Variants in MAP3K2 observed in about 807,000 individuals in gnomAD.
The protein encoded by MAP3K2 is mitogen-activated protein kinase kinase kinase 2.
MAP3K2 carries 24 observed loss-of-function variants against 80.3 expected under a neutral mutation model. That is an observed-to-expected ratio of 0.30 (90% CI 0.22 to 0.42). The LOEUF (loss-of-function observed/expected upper bound fraction) is 0.42, where lower values mean the gene tolerates loss of function less well. MAP3K2 is among the 10% of genes least tolerant of loss of function. The probability of loss-of-function intolerance (pLI) is 1.00; values close to 1 mark genes in which losing one functional copy is unlikely to be tolerated. For synonymous variants in MAP3K2, 244 were observed against 253.7 expected (o/e 0.96, Z 0.36); for missense variants, 608 against 750.1 (o/e 0.81, Z 2.21).
intron 1 of MAP3K2, among the ~76,000 whole-genome samples, chr2:127,347,967 C>T (rs756894885): frequency 5.3e-5 from 8 of 152,060 alleles, no homozygotes; most frequent in Admixed American, 3.3e-4. Context: ...ATTGTATATA[C>T]CCAAGAGAAC....
chr2:127,354,808 T>C (rs1178685154), intron 1 of MAP3K2, among the ~76,000 whole-genome samples: 1 of 151,946 alleles, frequency 6.6e-6, no homozygotes, highest in Admixed American at 6.6e-5. Context: ...ATGATAGAAT[T>C]AGTACAGTTG....
In MAP3K2 at chr2:127,300,251, G is replaced by T. The variant is rs927635395; in HGVS notation, c.*7328C>A. ...TACACTCATCAACAATTATTGGTCA[G>T]AGTAGTAAATCAGTGTACAAATTAA... is the stretch of plus-strand genomic sequence containing the variant. On this transcript the variant is annotated 3_prime_UTR_variant, in exon 17 of 17. Coordinates refer to ENST00000682094, the MANE Select transcript of MAP3K2 (RefSeq NM_001371910.2). The T allele has an allele frequency of 9.9e-5, 15 of 152,126 alleles. No individual in the cohort carries two copies. Among genetic ancestry groups the T allele is most frequent in the African/African-American group, 2.2e-4 (9 of 41,452 alleles). 9.4% of individuals were successfully genotyped at this position (152,126 alleles called of 1,614,324 possible). A position where few individuals can be genotyped will look rare whatever the true frequency, so the allele number is the denominator to read the frequency against.
chr2:127,383,393 GA>G (rs1340352626), intron 1 of MAP3K2, among the ~76,000 whole-genome samples: 4 of 152,124 alleles, frequency 2.6e-5, no homozygotes. Context: ...TCCTTATAGA[GA>G]TCTGTTACCT....
intron 2 of MAP3K2, among the ~76,000 whole-genome samples, chr2:127,342,625 C>A (rs1686518262): frequency 6.6e-6 from 1 of 151,992 alleles, no homozygotes; most frequent in African/African-American, 2.4e-5. Flanking sequence ...TAATTCCCTG[C>A]CTCATGCTGG....
In MAP3K2 at chr2:127,314,747, T is replaced by C; in HGVS notation, c.1456+7A>G. 1 of 1,596,478 alleles carries C rather than the reference T, an allele frequency of 6.3e-7. No homozygotes were observed. On this transcript the variant is annotated splice_region_variant and intron_variant, in intron 15 of 16. Coordinates refer to ENST00000682094, the MANE Select transcript of MAP3K2 (RefSeq NM_001371910.2). ...GTACTTAAAATAGAAAATACCTCAT[T>C]ACTTACCTTTGATATCTCTATGGAC...
chr2:127,365,468 T>C (rs955510831), intron 1 of MAP3K2, among the ~76,000 whole-genome samples: 5 of 152,154 alleles, frequency 3.3e-5, no homozygotes, highest in African/African-American at 1.2e-4. Context: ...ATAGGGTAGG[T>C]GGCCCAAAGA....
intron 1 of MAP3K2, among the ~76,000 whole-genome samples, chr2:127,348,894 T>C (rs1377625757): frequency 1.3e-5 from 2 of 152,132 alleles, no homozygotes; most frequent in African/African-American, 4.8e-5. Context: ...GGCTCAGTAT[T>C]ATCAGATATG....
chr2:127,339,103 T>G lies in MAP3K2; in HGVS notation c.5-53A>C. The G allele has an allele frequency of 3.7e-6, 4 of 1,081,706 alleles. No homozygotes were observed. Among genetic ancestry groups the G allele is most frequent in the Non-Finnish European group, 5.5e-6 (4 of 722,982 alleles). 67.0% of individuals were successfully genotyped at this position (1,081,706 alleles called of 1,614,324 possible). A position where few individuals can be genotyped will look rare whatever the true frequency, so the allele number is the denominator to read the frequency against. On this transcript the variant is annotated intron_variant, in intron 2 of 16. Coordinates refer to ENST00000682094, the MANE Select transcript of MAP3K2 (RefSeq NM_001371910.2). This position sits in a 1 kb window ranked among gnomAD's most constrained non-coding sequence, Gnocchi z 4.2. The stretch of plus-strand genomic sequence containing the variant: ...TAGAATTGTAATTGTGACATATATA[T>G]CAACATGTATAGACATCAAACACAA...
chr2:127,331,849 G>A (rs533109958), intron 5 of MAP3K2, among the ~76,000 whole-genome samples: 4 of 152,290 alleles, frequency 2.6e-5, no homozygotes, highest in Admixed American at 2.6e-4. Flanking sequence ...CAAATTATCT[G>A]CCCGCCTGGG....
At chr2:127,363,104 G>A (rs1472479214) in intron 1 of MAP3K2, among the ~76,000 whole-genome samples, 1 of 152,120 alleles carries the variant, frequency 6.6e-6, no homozygotes, top group East Asian at 1.9e-4. Context: ...GATGTGTGTA[G>A]GTTGCATGCA....
chr2:127,357,946 G>C (rs760656454), intron 1 of MAP3K2, among the ~76,000 whole-genome samples: 1 of 151,882 alleles, frequency 6.6e-6, no homozygotes, highest in Non-Finnish European at 1.5e-5. Flanking sequence ...CAAAAGTACA[G>C]TACATATCTT....
chr2:127,341,602 G>A (rs970231050), intron 2 of MAP3K2, among the ~76,000 whole-genome samples: 2 of 142,386 alleles, frequency 1.4e-5, no homozygotes, highest in African/African-American at 2.6e-5. Flanking sequence ...GCGTGATCTC[G>A]GCTCACTACA....
At chr2:127,362,959 A>T (rs955402313) in intron 1 of MAP3K2, among the ~76,000 whole-genome samples, 4 of 152,310 alleles carry the variant, frequency 2.6e-5, no homozygotes, top group African/African-American at 9.6e-5. Flanking sequence ...CCAACTGGAG[A>T]TCGAAAACAA....
chr2:127,298,943 G>T lies in MAP3K2; in HGVS notation c.*8636C>A, dbSNP rs1222905448. 1.5e-5 allele frequency: 2 copies of T among 129,390 alleles called. No individual in the cohort carries two copies. Among genetic ancestry groups the T allele is most frequent in the Non-Finnish European group, 3.4e-5 (2 of 58,754 alleles). The allele number at this position is 129,390 out of a possible 1,614,324, so 8.0% of individuals were successfully genotyped here. A position where few individuals can be genotyped will look rare whatever the true frequency, so the allele number is the denominator to read the frequency against. ...TATAAACATGGTTTCTTTTATATTA[G>T]ATTTTTTTTTAAAAAAAAGCTATTT... On this transcript the variant is annotated 3_prime_UTR_variant, in exon 17 of 17. Coordinates refer to ENST00000682094, the MANE Select transcript of MAP3K2 (RefSeq NM_001371910.2).
In MAP3K2 at chr2:127,322,115, T is replaced by C. The variant is rs750139943; in HGVS notation, c.976A>G (p.Ile326Val). ...IFTPEYDDSRIRRRGSDIDNP... is the reference protein window; with the variant it reads ...IFTPEYDDSRVRRRGSDIDNP... ...TCTATGTCACTTCCCCTTCTTCTTA[T>C]TCGACTATCATCATACTCTGGGGTA... is the stretch of plus-strand genomic sequence containing the variant. The change falls in exon 12 of 17, where the codon ATA (isoleucine) becomes GTA (valine). Residue 326 changes from isoleucine (I) to valine (V), a missense_variant. Transcript: ENST00000682094. The surrounding 1 kb of genome is among the most constrained non-coding windows in gnomAD (Gnocchi z 4.2). 4.3e-6 allele frequency: 7 copies of C among 1,613,940 alleles called. No individual in the cohort carries two copies. Among genetic ancestry groups the C allele is most frequent in the Admixed American group, 3.3e-5 (2 of 60,016 alleles).
Position 127,364,347 on chromosome 2 carries a change from A to G in MAP3K2, c.-65-21153T>C, listed in dbSNP as rs116752219. Among the ~76,000 whole-genome samples, 354 of 152,312 alleles carry G rather than the reference A, an allele frequency of 2.3e-3. 1 individual carries two copies. Among genetic ancestry groups the G allele is most frequent in the African/African-American group, 7.7e-3 (321 of 41,556 alleles). On this transcript the variant is annotated intron_variant, in intron 1 of 16. Coordinates refer to ENST00000682094, the MANE Select transcript of MAP3K2 (RefSeq NM_001371910.2). The surrounding 1 kb of genome is among the most constrained non-coding windows in gnomAD (Gnocchi z 4.1). ...TGAGTTATACTACGAAGTGTTCCAT[A>G]TGCCTTATTGATAGCTACTTTTTGT... is the stretch of plus-strand genomic sequence containing the variant.
rs1392802871 is a variant in MAP3K2 at position 127,370,617 on chromosome 2, C to CTAA, written c.-66+16832_-66+16834dup. Among the ~76,000 whole-genome samples the CTAA allele has an allele frequency of 1.1e-4, 16 of 152,284 alleles. No homozygotes were observed. The East Asian group carries it at 3.1e-3, about 29-fold the overall frequency. On this transcript the variant is annotated intron_variant, in intron 1 of 16. Transcript: ENST00000682094. ...GGTTTCACAGGCTCAATTAAGGGAC[C>CTAA]TAATGCAAACTGTTGTATCCCATAA...
Position 127,387,946 on chromosome 2 carries a change from C to T in MAP3K2, c.-560G>A, listed in dbSNP as rs1687404826. ...AGGCGCCGCCGCTGAGGGCAGGCAG[C>T]CCGGCAGCCACTACACACGGACCCG... On this transcript the variant is annotated 5_prime_UTR_variant, in exon 1 of 17. Coordinates refer to ENST00000682094, the MANE Select transcript of MAP3K2 (RefSeq NM_001371910.2). 6.1e-6 allele frequency: 6 copies of T among 984,688 alleles called. No individual in the cohort carries two copies. The highest frequency in any genetic ancestry group is 7.2e-6 in the Non-Finnish European group (6 of 829,716). The allele number at this position is 984,688 out of a possible 1,614,324, so 61.0% of individuals were successfully genotyped here. A position where few individuals can be genotyped will look rare whatever the true frequency, so the allele number is the denominator to read the frequency against.
chr2:127,311,531 T>C (rs1387010470), intron 15 of MAP3K2, among the ~76,000 whole-genome samples: 1 of 152,172 alleles, frequency 6.6e-6, no homozygotes, highest in Non-Finnish European at 1.5e-5. Flanking sequence ...AAATAAGTTA[T>C]TAAGGAGACT....
Sources: gnomAD v4.1 joint callset for allele counts (sites outside exome capture counted in the v4.1 genomes callset) on GRCh38, gnomAD v4.1.1 for gene constraint, Gnocchi (gnomAD v3.1) non-coding constraint, MANE v1.5 for transcripts, NCBI Gene and HGNC (gene_info 2026-07-23, HGNC 2026-07-21) for gene names.